Variants in SESTD1 observed in about 807,000 individuals in gnomAD.
SESTD1 encodes SEC14 domain and spectrin repeat-containing protein 1.
Under a neutral mutation model 101.7 loss-of-function variants are expected in SESTD1, and 43 were observed. The ratio of observed to expected loss-of-function variants is 0.42; its 90% CI spans 0.33 to 0.55. The LOEUF (loss-of-function observed/expected upper bound fraction) is 0.55, where lower values mean the gene tolerates loss of function less well. Ranked by LOEUF, SESTD1 falls within the 20% of genes least tolerant of loss-of-function variation. The pLI is 0.07. For synonymous variants in SESTD1, 283 were observed against 286.8 expected (o/e 0.99, Z 0.13); for missense variants, 647 against 815.1 (o/e 0.79, Z 2.51).
intron 9 of SESTD1, among the ~76,000 whole-genome samples, chr2:179,143,174 T>G (rs1194747176): frequency 2.0e-5 from 3 of 152,124 alleles, no homozygotes; most frequent in African/African-American, 7.2e-5. Flanking sequence ...TATAAAAAAT[T>G]TGATATTAGA....
At chr2:179,144,068 G>A (rs879167112) in intron 8 of SESTD1, among the ~76,000 whole-genome samples, 8 of 151,384 alleles carry the variant, frequency 5.3e-5, no homozygotes, top group Non-Finnish European at 7.4e-5. Flanking sequence ...ATAAATATAC[G>A]CACCTTAGAA....
rs190653862 is a variant in SESTD1 at position 179,190,545 on chromosome 2, G to A, written c.55+1242C>T. Among the ~76,000 whole-genome samples the A allele has an allele frequency of 3.0e-4, 45 of 152,044 alleles. No homozygotes were observed. In the East Asian group the frequency reaches 5.4e-3, roughly 18 times the overall value. ...TAACACAAAAATTGAAAAGTAGGACGTAATTAAACTAAAGAGCTTCTGCAC... is the reference window on the plus strand; with the variant it reads ...TAACACAAAAATTGAAAAGTAGGACATAATTAAACTAAAGAGCTTCTGCAC... On this transcript the variant is annotated intron_variant, in intron 2 of 17. Transcript: ENST00000428443.
chr2:179,118,179 C>T lies in SESTD1; in HGVS notation c.1443-566G>A, dbSNP rs114532292. ...TAACGCTTTTCATTATATTATAGTA[C>T]CTAAAATAATATTTAATTCTGATTT... On this transcript the variant is annotated intron_variant, in intron 13 of 17. Transcript: ENST00000428443. Among the ~76,000 whole-genome samples the T allele has an allele frequency of 8.4e-3, 1,282 of 152,102 alleles. 9 individuals are homozygous for T. The highest frequency in any genetic ancestry group is 0.029 in the African/African-American group (1,196 of 41,488).
At chr2:179,186,166 G>A (rs759426138) in intron 2 of SESTD1, among the ~76,000 whole-genome samples, 3 of 151,134 alleles carry the variant, frequency 2.0e-5, no homozygotes, top group Non-Finnish European at 2.9e-5. Context: ...AGGCAATTAG[G>A]ACAGGACATA....
Position 179,234,575 on chromosome 2 carries a change from T to C in SESTD1, c.-26+29924A>G, listed in dbSNP as rs972338203. Among the ~76,000 whole-genome samples, 3 of 152,072 alleles carry C rather than the reference T, an allele frequency of 2.0e-5. No homozygotes were observed. In the East Asian group the frequency reaches 5.8e-4, roughly 29 times the overall value. The stretch of plus-strand genomic sequence containing the variant: ...GGTAGATCACTTGGGGTCAGGAGTT[T>C]GAGACCAGCCTGGCCAACATGGTGA... On this transcript the variant is annotated intron_variant, in intron 1 of 17. Coordinates refer to ENST00000428443, the MANE Select transcript of SESTD1 (RefSeq NM_178123.5).
intron 1 of SESTD1, among the ~76,000 whole-genome samples, chr2:179,247,094 G>C (rs2047243901): frequency 6.6e-6 from 1 of 152,048 alleles, no homozygotes. Flanking sequence ...TACAATAGTG[G>C]TGAAGGCTGG....
At chr2:179,223,425 T>TA (rs2046840968) in intron 1 of SESTD1, among the ~76,000 whole-genome samples, 1 of 152,060 alleles carries the variant, frequency 6.6e-6, no homozygotes. Context: ...AAATTCATGA[T>TA]ACGTAAATTT....
intron 1 of SESTD1, among the ~76,000 whole-genome samples, chr2:179,226,219 C>A (rs904533650): frequency 8.5e-5 from 13 of 152,212 alleles, no homozygotes; most frequent in Non-Finnish European, 1.5e-4. Context: ...AAAATATTCT[C>A]ATATTCACCA....
intron 2 of SESTD1, 100 bp from the exon 3 acceptor site, chr2:179,183,288 T>A: frequency 1.5e-6 from 1 of 686,742 alleles, no homozygotes; most frequent in Non-Finnish European, 2.2e-6. Flanking sequence ...ATGATAAGTT[T>A]AAGATATAAT....
intron 8 of SESTD1, among the ~76,000 whole-genome samples, chr2:179,144,518 T>C (rs2045353068): frequency 6.6e-6 from 1 of 152,040 alleles, no homozygotes; most frequent in Admixed American, 6.5e-5. Flanking sequence ...ACTACAATTG[T>C]AGAATGTGCA....
At chr2:179,151,615 G>C (rs1441310252) in intron 5 of SESTD1, among the ~76,000 whole-genome samples, 1 of 151,836 alleles carries the variant, frequency 6.6e-6, no homozygotes, top group South Asian at 2.1e-4. Context: ...AAAAACAACA[G>C]GTACCAGCAG....
At chr2:179,126,155 C>G (rs1378203036) in intron 10 of SESTD1, among the ~76,000 whole-genome samples, 1 of 152,100 alleles carries the variant, frequency 6.6e-6, no homozygotes, top group Non-Finnish European at 1.5e-5. Flanking sequence ...AAATTTTTTT[C>G]TTAAAGGAGT....
In SESTD1 at chr2:179,120,411, TAAAG is replaced by T. The variant is rs948370409; in HGVS notation, c.1442+1355_1442+1358del. On this transcript the variant is annotated intron_variant, in intron 13 of 17. Coordinates refer to ENST00000428443, the MANE Select transcript of SESTD1 (RefSeq NM_178123.5). ...CTGTAACTACTAAACCATGATCTAT[TAAAG>T]AAAGTAATTCAAGTAGTGAGAATGT... is the stretch of plus-strand genomic sequence containing the variant. Among the ~76,000 whole-genome samples the T allele has an allele frequency of 6.7e-4, 102 of 152,170 alleles. 2 individuals are homozygous for T. The highest frequency in any genetic ancestry group is 2.4e-3 in the African/African-American group (101 of 41,516).
At chr2:179,215,162 G>C (rs541972916) in intron 1 of SESTD1, among the ~76,000 whole-genome samples, 2 of 134,584 alleles carry the variant, frequency 1.5e-5, no homozygotes, top group South Asian at 2.8e-4. Context: ...AGGAGATAGA[G>C]ACACAAAAAA....
chr2:179,256,811 C>CAAAAA (rs368195849), intron 1 of SESTD1, among the ~76,000 whole-genome samples: 12 of 76,504 alleles, frequency 1.6e-4, no homozygotes, highest in Admixed American at 1.6e-4. Flanking sequence ...GACTCCACCT[C>CAAAAA]AAAAAAAAAA....
chr2:179,147,411 G>C (rs1298194690), intron 7 of SESTD1, among the ~76,000 whole-genome samples: 1 of 150,432 alleles, frequency 6.6e-6, no homozygotes, highest in Non-Finnish European at 1.5e-5. Flanking sequence ...ACCCAGGCTA[G>C]AGTGCAGTGG....
At chr2:179,140,479 C>G (rs2045254167) in intron 9 of SESTD1, among the ~76,000 whole-genome samples, 1 of 152,086 alleles carries the variant, frequency 6.6e-6, no homozygotes, top group Non-Finnish European at 1.5e-5. Context: ...CAGAGCATTC[C>G]CTCACGGCCC....
intron 1 of SESTD1, among the ~76,000 whole-genome samples, chr2:179,237,229 GA>G (rs144498490): frequency 4.2e-5 from 6 of 142,826 alleles, no homozygotes; most frequent in Admixed American, 1.4e-4. Context: ...AAGCTTCTGT[GA>G]AAAAAAAAAT....
chr2:179,143,043 GTAATC>G (rs1192392524), intron 9 of SESTD1, among the ~76,000 whole-genome samples: 1 of 148,412 alleles, frequency 6.7e-6, no homozygotes, highest in Non-Finnish European at 1.5e-5. Flanking sequence ...AATCCAGAGT[GTAATC>G]TAAATAACAG....
Sources: allele counts gnomAD v4.1 joint callset (sites outside exome capture counted in the v4.1 genomes callset), GRCh38; gene constraint gnomAD v4.1.1; transcripts MANE v1.5; gene names NCBI Gene and HGNC (gene_info 2026-07-23, HGNC 2026-07-21).